The following PRUNE2 variants were observed in gnomAD, a reference collection of about 807,000 sequenced individuals.
PRUNE2 encodes the protein prune homolog 2 with BCH domain.
A neutral mutation model predicts 252.0 loss-of-function variants in PRUNE2; 164 were observed. The observed-to-expected ratio is 0.65, with a 90% CI of 0.57 to 0.74. The LOEUF (loss-of-function observed/expected upper bound fraction) is 0.74, where lower values mean the gene tolerates loss of function less well. Among genes scored for constraint, PRUNE2 ranks in the 30% least tolerant of loss-of-function variants. The pLI is 0.00. For synonymous variants in PRUNE2, 1,292 were observed against 1,350.2 expected (o/e 0.96, Z 0.94); for missense variants, 3,495 against 3,711.0 (o/e 0.94, Z 1.51).
rs371260128 is a variant in PRUNE2 at position 76,838,482 on chromosome 9, T to C, written c.508+8033A>G. Among the ~76,000 whole-genome samples the C allele has an allele frequency of 7.3e-5, 11 of 151,610 alleles. 1 individual carries two copies. The East Asian group carries it at 1.2e-3, about 16-fold the overall frequency. On this transcript the variant is annotated intron_variant, in intron 4 of 18. Coordinates refer to ENST00000376718, the MANE Select transcript of PRUNE2 (RefSeq NM_015225.3). The stretch of plus-strand genomic sequence containing the variant: ...CAATATGGCAAAACCCCATCTCTAC[T>C]AAAAACACAAAAATTAGTGGGGCAT...
chr9:76,747,969 A>G (rs1438630571), intron 6 of PRUNE2, among the ~76,000 whole-genome samples: 1 of 151,506 alleles, frequency 6.6e-6, no homozygotes, highest in South Asian at 2.1e-4. Context: ...TAATTTTTGT[A>G]TTTTTTTTAG....
intron 4 of PRUNE2, among the ~76,000 whole-genome samples, chr9:76,831,630 T>C (rs1000290438): frequency 6.6e-6 from 1 of 152,140 alleles, no homozygotes; most frequent in Non-Finnish European, 1.5e-5. Context: ...TTTAACTGTA[T>C]GTTGTAATTG....
chr9:76,728,832 T>C (rs1349027901), intron 6 of PRUNE2, among the ~76,000 whole-genome samples: 1 of 152,210 alleles, frequency 6.6e-6, no homozygotes, highest in Non-Finnish European at 1.5e-5. Context: ...AAAATGAGTA[T>C]AATAACCTAC....
chr9:76,797,558 G>A (rs778375072), intron 6 of PRUNE2, among the ~76,000 whole-genome samples: 5 of 152,088 alleles, frequency 3.3e-5, no homozygotes, highest in South Asian at 2.1e-4. Flanking sequence ...TCACCAAGCC[G>A]TCTTTTTCCT....
chr9:76,615,895 G>A (rs974038491), intron 18 of PRUNE2, among the ~76,000 whole-genome samples: 19 of 148,076 alleles, frequency 1.3e-4, no homozygotes, highest in African/African-American at 4.0e-4. Flanking sequence ...TCAGCCTCCC[G>A]AGTAGCTGGG....
intron 6 of PRUNE2, among the ~76,000 whole-genome samples, chr9:76,754,580 T>C (rs758410231): frequency 3.9e-5 from 6 of 152,208 alleles, no homozygotes; most frequent in Non-Finnish European, 8.8e-5. Flanking sequence ...TGTGGAGCTA[T>C]GGTGGCAGTT....
chr9:76,795,228 CAT>C (rs2055970374), intron 6 of PRUNE2, among the ~76,000 whole-genome samples: 1 of 150,918 alleles, frequency 6.6e-6, no homozygotes, highest in Non-Finnish European at 1.5e-5. Context: ...CTCGGGCACA[CAT>C]GTGTCCAAAG....
At chr9:76,767,620 C>T (rs537719442) in intron 6 of PRUNE2, among the ~76,000 whole-genome samples, 1 of 152,250 alleles carries the variant, frequency 6.6e-6, no homozygotes, top group Admixed American at 6.5e-5. Flanking sequence ...TGTTTCCCTA[C>T]CTTCTTTGTT....
At chr9:76,683,540 C>T (rs1027403290) in intron 9 of PRUNE2, among the ~76,000 whole-genome samples, 1 of 152,128 alleles carries the variant, frequency 6.6e-6, no homozygotes, top group Non-Finnish European at 1.5e-5. Context: ...AAAATGACCT[C>T]ACTGATAAAA....
chr9:76,691,038 C>T (rs912750345), intron 9 of PRUNE2, among the ~76,000 whole-genome samples: 25 of 152,188 alleles, frequency 1.6e-4, no homozygotes, highest in South Asian at 8.3e-4. Context: ...TTTTACATTC[C>T]GTGCATATTA....
intron 9 of PRUNE2, among the ~76,000 whole-genome samples, chr9:76,659,052 C>T (rs1028996483): frequency 1.3e-5 from 2 of 152,204 alleles, no homozygotes; most frequent in Non-Finnish European, 2.9e-5. Flanking sequence ...ACATCCTCTT[C>T]CCACATAGGT....
chr9:76,764,131 T>C (rs1016110614), intron 6 of PRUNE2, among the ~76,000 whole-genome samples: 9 of 152,316 alleles, frequency 5.9e-5, no homozygotes, highest in Admixed American at 5.9e-4. Context: ...AACTCCTGTG[T>C]TTCTGGCACT....
chr9:76,783,955 T>C (rs1235952593), intron 6 of PRUNE2: 3 of 152,182 alleles, frequency 2.0e-5, no homozygotes, highest in Non-Finnish European at 4.4e-5. Flanking sequence ...CCTCTACTCG[T>C]TTCTATCCTT....
At chr9:76,753,512 T>A (rs148778454) in intron 6 of PRUNE2, among the ~76,000 whole-genome samples, 1 of 152,238 alleles carries the variant, frequency 6.6e-6, no homozygotes, top group East Asian at 1.9e-4. Flanking sequence ...GACCTGTGGG[T>A]TCTCCATTCT....
rs115641291 is a variant in PRUNE2 at position 76,853,977 on chromosome 9, A to G, written c.141+127T>C. 4.7e-3 allele frequency: 2,395 copies of G among 507,014 alleles called. 56 individuals are homozygous for G. The highest frequency in any genetic ancestry group is 0.042 in the African/African-American group (2,203 of 52,110). The allele number at this position is 507,014 out of a possible 1,614,324, so 31.4% of individuals were successfully genotyped here. A position where few individuals can be genotyped will look rare whatever the true frequency, so the allele number is the denominator to read the frequency against. On this transcript the variant is annotated intron_variant, in intron 2 of 18. Transcript: ENST00000376718. ...TGATTCATGGATGATAATACTTTAT[A>G]CTCTGCAACAATATATCAGAACATT...
intron 6 of PRUNE2, among the ~76,000 whole-genome samples, chr9:76,757,249 C>T (rs980694061): frequency 3.3e-5 from 5 of 152,184 alleles, no homozygotes; most frequent in Admixed American, 2.6e-4. Context: ...GAATGGTCTG[C>T]AGATCTGACC....
intron 9 of PRUNE2, among the ~76,000 whole-genome samples, chr9:76,700,976 T>C (rs564062856): frequency 3.3e-5 from 5 of 152,360 alleles, no homozygotes; most frequent in East Asian, 1.9e-4. Flanking sequence ...ACTTAAATAT[T>C]ACACTGCTAT....
chr9:76,752,096 GGT>G (rs1491396603), intron 6 of PRUNE2, among the ~76,000 whole-genome samples: 1 of 21,438 alleles, frequency 4.7e-5, no homozygotes, highest in Non-Finnish European at 7.7e-5. Context: ...TTTTTTTTTT[GGT>G]TTTTTTTTTT....
At position 76,652,625 on chromosome 9, in the gene PRUNE2, G is replaced by A; in HGVS notation, c.8415C>T (p.Ala2805=). Reference sequence around the variant, plus strand: ...GGTCCAGAGAAAGATTGATATTTGGGGCTGTGAGCTTGATTCTCCGAGGAT... The same window carrying A: ...GGTCCAGAGAAAGATTGATATTTGGAGCTGTGAGCTTGATTCTCCGAGGAT... ...DTHPRRIKLT[A]PNINLSLDQS... The change falls in exon 11 of 19, where the codon GCC becomes GCT. Residue 2805 remains alanine (A), a synonymous_variant. Coordinates refer to ENST00000376718, the MANE Select transcript of PRUNE2 (RefSeq NM_015225.3). 6.2e-7 allele frequency: 1 copy of A among 1,613,106 alleles called. No individual in the cohort carries two copies. The highest frequency in any genetic ancestry group is 2.2e-5 in the East Asian group (1 of 44,866).
Sources: allele counts gnomAD v4.1 joint callset (sites outside exome capture counted in the v4.1 genomes callset), GRCh38; gene constraint gnomAD v4.1.1; transcripts MANE v1.5; gene names NCBI Gene and HGNC (gene_info 2026-07-23, HGNC 2026-07-21).